ANO1: variants seen among roughly 807,000 people sequenced by gnomAD.
ANO1 encodes the protein anoctamin-1.
A neutral mutation model predicts 124.0 loss-of-function variants in ANO1; 59 were observed. That is an observed-to-expected ratio of 0.48 (90% CI 0.39 to 0.59). ANO1 has a LOEUF of 0.59. Ranked by LOEUF, ANO1 falls within the 20% of genes least tolerant of loss-of-function variation. ANO1 has a pLI of 0.00. For missense variants in ANO1, 1,059 were observed against 1,328.0 expected, an observed-to-expected ratio of 0.80 and a Z score of 3.15; for synonymous variants, 529 against 532.0, an observed-to-expected ratio of 0.99 and a Z score of 0.08.
intron 11 of ANO1, among the ~76,000 whole-genome samples, chr11:70,138,615 C>A (rs1349116682): frequency 6.6e-6 from 1 of 152,160 alleles, no homozygotes; most frequent in African/African-American, 2.4e-5. Flanking sequence ...CTAACTCCCC[C>A]CGAAGGAGGT....
chr11:70,142,309 GC>G (rs2047184111), intron 11 of ANO1, among the ~76,000 whole-genome samples: 1 of 152,200 alleles, frequency 6.6e-6, no homozygotes, highest in South Asian at 2.1e-4. Context: ...CAGGGGCTGG[GC>G]CTGAGATTTT....
upstream of ANO1, among the ~76,000 whole-genome samples, chr11:70,076,098 G>A (rs1555009976): frequency 6.6e-6 from 1 of 152,210 alleles, no homozygotes. Flanking sequence ...GTCCACCTGG[G>A]AAGACTTGGG....
chr11:70,045,630 C>T (rs1857247812), intron 1 of ANO1, among the ~76,000 whole-genome samples: 1 of 152,188 alleles, frequency 6.6e-6, no homozygotes, highest in African/African-American at 2.4e-5. Flanking sequence ...GGACATGACT[C>T]ATACAACTGA....
intron 1 of ANO1, among the ~76,000 whole-genome samples, chr11:70,000,650 C>T (rs1255245957): frequency 4.6e-5 from 7 of 150,900 alleles, no homozygotes; most frequent in African/African-American, 1.7e-4. Context: ...GCAAAGCCAC[C>T]CCTGAGCAGT....
intron 11 of ANO1, among the ~76,000 whole-genome samples, chr11:70,145,078 GT>G (rs2047310937): frequency 1.3e-5 from 2 of 152,234 alleles, no homozygotes; most frequent in Admixed American, 1.3e-4. Flanking sequence ...CGGAACTCGT[GT>G]GGGTGAGGAG....
chr11:70,125,959 GC>G (rs2046494892), intron 9 of ANO1, 101 bp from the exon 10 acceptor site: 1 of 1,415,910 alleles, frequency 7.1e-7, no homozygotes, highest in Non-Finnish European at 9.5e-7. Flanking sequence ...GGGAACCAGT[GC>G]CCCTGGTTTG....
At chr11:70,072,260 A>G (rs76122970) in intron 1 of ANO1, among the ~76,000 whole-genome samples, 2,052 of 152,208 alleles carry the variant, frequency 0.013, 43 homozygotes, top group African/African-American at 0.046. Context: ...TGTACAGCCA[A>G]TGGTTGTCAC....
intron 1 of ANO1, among the ~76,000 whole-genome samples, chr11:70,005,149 A>G (rs1283316517): frequency 6.6e-6 from 1 of 150,658 alleles, no homozygotes; most frequent in African/African-American, 2.4e-5. Flanking sequence ...AAACATTCTT[A>G]TCATGGGTGC....
At chr11:70,143,186 G>A (rs2047221867) in intron 11 of ANO1, among the ~76,000 whole-genome samples, 1 of 152,198 alleles carries the variant, frequency 6.6e-6, no homozygotes, top group Admixed American at 6.5e-5. Flanking sequence ...CCCTGCCCGT[G>A]AGGAGCATGG....
chr11:70,047,376 A>G (rs1857277879), intron 1 of ANO1, among the ~76,000 whole-genome samples: 1 of 152,176 alleles, frequency 6.6e-6, no homozygotes, highest in South Asian at 2.1e-4. Context: ...GAGAAATAAG[A>G]ATTATGGCTA....
intron 22 of ANO1, among the ~76,000 whole-genome samples, chr11:70,177,841 C>G (rs529112348): frequency 6.6e-6 from 1 of 152,268 alleles, no homozygotes; most frequent in African/African-American, 2.4e-5. Context: ...TCAGGTGATC[C>G]ACCAACCTCA....
chr11:70,024,591 C>T lies in ANO1; in HGVS notation c.58+38425C>T, dbSNP rs1053620590. On this transcript the variant is annotated intron_variant, in intron 1 of 27. Transcript: ENST00000531349. Reference sequence around the variant, plus strand: ...ACCGTCTGCTTTCATCCTTGCAATACCCCTGGGAAGCTGGAGTTTGTGGCC... The same window carrying T: ...ACCGTCTGCTTTCATCCTTGCAATATCCCTGGGAAGCTGGAGTTTGTGGCC... Among the ~76,000 whole-genome samples, 14 of 152,288 alleles carry T rather than the reference C, an allele frequency of 9.2e-5. No individual in the cohort carries two copies. In the Middle Eastern group the frequency reaches 0.014, roughly 148 times the overall value.
chr11:69,993,306 A>T (rs143853636), intron 1 of ANO1, among the ~76,000 whole-genome samples: 2,185 of 152,306 alleles, frequency 0.014, 24 homozygotes, highest in Non-Finnish European at 0.02. Context: ...TGATTTTTTA[A>T]TGCATTTACA....
intron 11 of ANO1, among the ~76,000 whole-genome samples, chr11:70,137,543 C>T (rs1458742043): frequency 1.4e-5 from 2 of 145,200 alleles, no homozygotes; most frequent in East Asian, 4.1e-4. Flanking sequence ...GCTGTGACTC[C>T]CCAGCCTCCT....
chr11:70,062,952 C>T (rs1325065812), intron 1 of ANO1, among the ~76,000 whole-genome samples: 3 of 152,050 alleles, frequency 2.0e-5, no homozygotes, highest in African/African-American at 7.3e-5. Flanking sequence ...TTGTTTGAGA[C>T]AGAGTCTCAC....
intron 8 of ANO1, among the ~76,000 whole-genome samples, chr11:70,123,003 C>A (rs2046356694): frequency 6.6e-6 from 1 of 152,346 alleles, no homozygotes; most frequent in South Asian, 2.1e-4. Flanking sequence ...AGGAAACGCA[C>A]TGATGCAGAA....
At chr11:69,966,476 C>A in the ANO1 span, among the ~76,000 whole-genome samples, 1 of 152,362 alleles carries the variant, frequency 6.6e-6, no homozygotes, top group East Asian at 1.9e-4. Flanking sequence ...CACGCCACCT[C>A]ACCTGAGATT....
intron 1 of ANO1, among the ~76,000 whole-genome samples, chr11:70,051,688 T>G (rs782762502): frequency 2.0e-5 from 3 of 152,252 alleles, no homozygotes; most frequent in Non-Finnish European, 2.9e-5. Flanking sequence ...ATGGATCATG[T>G]GAAGAGCCTC....
chr11:70,090,106 C>T (rs2044567027), intron 2 of ANO1, among the ~76,000 whole-genome samples: 1 of 152,228 alleles, frequency 6.6e-6, no homozygotes, highest in South Asian at 2.1e-4. Context: ...ACTGCAAGCT[C>T]CGCCTCCCGA....
Sources: gnomAD v4.1 joint callset for allele counts (sites outside exome capture counted in the v4.1 genomes callset) on GRCh38, gnomAD v4.1.1 for gene constraint, MANE v1.5 for transcripts, NCBI Gene and HGNC (gene_info 2026-07-23, HGNC 2026-07-21) for gene names.